The following JAKMIP1 variants were observed in gnomAD, a reference collection of about 807,000 sequenced individuals.
JAKMIP1 encodes the protein janus kinase and microtubule interacting protein 1, also known as janus kinase and microtubule-interacting protein 1.
A neutral mutation model predicts 113.0 loss-of-function variants in JAKMIP1; 33 were observed. The ratio of observed to expected loss-of-function variants is 0.29; its 90% confidence interval spans 0.22 to 0.39. The LOEUF (loss-of-function observed/expected upper bound fraction) is 0.39, where lower values mean the gene tolerates loss of function less well. Among genes scored for constraint, JAKMIP1 ranks in the 10% least tolerant of loss-of-function variants. The pLI is 1.00. For synonymous variants in JAKMIP1, 480 were observed against 459.9 expected (o/e 1.04, Z -0.56); for missense variants, 813 against 1,080.5 (o/e 0.75, Z 3.47).
rs145620883 is a variant in JAKMIP1 at position 6,086,336 on chromosome 4, T to C, written c.625-707A>G. On this transcript the variant is annotated intron_variant, in intron 3 of 20. Transcript: ENST00000409021. The surrounding 1 kb of genome is among the most constrained non-coding windows in gnomAD (Gnocchi z 4.1). ...CCTCCCCGACGGTATCAACCCCACATATGCAGCAGATCTTAAACACATGCC... is the reference window on the plus strand; with the variant it reads ...CCTCCCCGACGGTATCAACCCCACACATGCAGCAGATCTTAAACACATGCC... 1.3e-4 allele frequency among the ~76,000 whole-genome samples: 20 copies of C among 152,010 alleles called. No homozygotes were observed. The East Asian group carries it at 3.7e-3, about 28-fold the overall frequency.
chr4:6,068,097 A>G (rs1718429579), intron 8 of JAKMIP1, among the ~76,000 whole-genome samples: 1 of 152,224 alleles, frequency 6.6e-6, no homozygotes, highest in South Asian at 2.1e-4. Flanking sequence ...AGGACGATCC[A>G]CTGTGAAGGC....
chr4:6,039,208 G>C (rs1018860987), intron 18 of JAKMIP1, among the ~76,000 whole-genome samples: 1 of 152,184 alleles, frequency 6.6e-6, no homozygotes, highest in African/African-American at 2.4e-5. Context: ...AGGCCTTCCT[G>C]AGTTGGTGCT....
rs1720313302 is a variant in JAKMIP1, at chr4:6,080,270, A to T, written c.1144T>A (p.Ser382Thr). The T allele has an allele frequency of 6.2e-7, 1 of 1,614,030 alleles. No homozygotes were observed. The highest frequency in any genetic ancestry group is 1.3e-5 in the African/African-American group (1 of 74,930). Residue 382 changes from serine to threonine, a missense_variant, in exon 7 of 21, where the codon TCC (serine) becomes ACC (threonine). This residue lies in a region of JAKMIP1 where 540 missense variants were observed against 653.9 expected (regional missense o/e 0.83). Transcript: ENST00000409021. The surrounding 1 kb of genome is among the most constrained non-coding windows in gnomAD (Gnocchi z 6.0). ...CTCGTCAGGCTGAGGTCATTCAAGG[A>T]GGTATGCCGCTTCAGAGACGCCTGC... ...SAQASLKRHT[S>T]LNDLSLTRDE...
Position 6,154,953 on chromosome 4 carries a change from G to T in JAKMIP1, c.-147-41956C>A, listed in dbSNP as rs1325549758. Among the ~76,000 whole-genome samples the T allele has an allele frequency of 1.3e-5, 2 of 152,114 alleles. No homozygotes were observed. Among genetic ancestry groups the T allele is most frequent in the Non-Finnish European group, 2.9e-5 (2 of 68,034 alleles). On this transcript the variant is annotated intron_variant, in intron 1 of 20. Transcript: ENST00000409021. The surrounding 1 kb of genome is among the most constrained non-coding windows in gnomAD (Gnocchi z 4.2). Reference sequence around the variant, plus strand: ...CACGCAGGGAAAGGTGCGGGGTAGGGTGGGGGGTCTTAGCTGGGGTGGAGC... The same window carrying T: ...CACGCAGGGAAAGGTGCGGGGTAGGTTGGGGGGTCTTAGCTGGGGTGGAGC...
At position 6,187,509 on chromosome 4, in the gene JAKMIP1, G is replaced by A. The variant is rs535763956; in HGVS notation, c.-148+12744C>T. On this transcript the variant is annotated intron_variant, in intron 1 of 20. Transcript: ENST00000409021. This position sits in a 1 kb window ranked among gnomAD's most constrained non-coding sequence, Gnocchi z 4.2. ...GGCGTTTGGCAAGTGATTAGGTCAC[G>A]AGGGCGAGCCCTCATAAATGAGATT... Among the ~76,000 whole-genome samples the A allele has an allele frequency of 1.2e-3, 178 of 152,338 alleles. No individual in the cohort carries two copies. The highest frequency in any genetic ancestry group is 0.01 in the Middle Eastern group (3 of 294).
intron 1 of JAKMIP1, among the ~76,000 whole-genome samples, chr4:6,120,901 G>A (rs200979333): frequency 0.21 from 215 of 1,040 alleles, no homozygotes; most frequent in Admixed American, 0.32. Flanking sequence ...CACAAAGCAA[G>A]CTCAAAAAAT....
At chr4:6,079,898 C>T (rs1720255665) in intron 7 of JAKMIP1, among the ~76,000 whole-genome samples, 1 of 152,240 alleles carries the variant, frequency 6.6e-6, no homozygotes, top group Admixed American at 6.5e-5. Context: ...TGATGCTTCT[C>T]AATCACAGCA....
At position 6,088,879 on chromosome 4, in the gene JAKMIP1, C is replaced by T. The variant is rs1238839940; in HGVS notation, c.625-3250G>A. The stretch of plus-strand genomic sequence containing the variant: ...ATCCATTTCCCCTTCTCCCATACGC[C>T]CAGTCTCAGCATGTGCAGTAGGAAA... On this transcript the variant is annotated intron_variant, in intron 3 of 20. Transcript: ENST00000409021. This position sits in a 1 kb window ranked among gnomAD's most constrained non-coding sequence, Gnocchi z 5.5. 6.6e-6 allele frequency among the ~76,000 whole-genome samples: 1 copy of T among 152,176 alleles called. No individual in the cohort carries two copies. Among genetic ancestry groups the T allele is most frequent in the Non-Finnish European group, 1.5e-5 (1 of 68,036 alleles).
At chr4:6,189,674 C>T (rs1013444599) in intron 1 of JAKMIP1, among the ~76,000 whole-genome samples, 2 of 152,210 alleles carry the variant, frequency 1.3e-5, no homozygotes, top group Non-Finnish European at 2.9e-5. Flanking sequence ...AAGTCACTGG[C>T]AGCTGCAATA....
rs1242922774 is a variant in JAKMIP1 at position 6,042,269 on chromosome 4, G to C, written c.2029-42C>G. On this transcript the variant is annotated intron_variant, in intron 16 of 20. Coordinates refer to ENST00000409021, the MANE Select transcript of JAKMIP1 (RefSeq NM_001099433.2). The surrounding 1 kb of genome is among the most constrained non-coding windows in gnomAD (Gnocchi z 5.2). ...ACAGGACGGGTGCAGCAAAGTGAGA[G>C]TCAGAACCCAAGGGGCTGTGGAATT... The C allele has an allele frequency of 4.7e-6, 7 of 1,505,232 alleles. No homozygotes were observed. Among genetic ancestry groups the C allele is most frequent in the Non-Finnish European group, 5.5e-6 (6 of 1,081,864 alleles). The allele number at this position is 1,505,232 out of a possible 1,614,324, so 93.2% of individuals were successfully genotyped here. A position where few individuals can be genotyped will look rare whatever the true frequency, so the allele number is the denominator to read the frequency against.
At chr4:6,144,591 T>A (rs954158167) in intron 1 of JAKMIP1, among the ~76,000 whole-genome samples, 2 of 152,202 alleles carry the variant, frequency 1.3e-5, no homozygotes, top group Non-Finnish European at 2.9e-5. Flanking sequence ...AATCAATCCA[T>A]GTATTATACC....
intron 1 of JAKMIP1, among the ~76,000 whole-genome samples, chr4:6,121,199 C>A (rs1178210322): frequency 6.4e-4 from 82 of 128,316 alleles, no homozygotes; most frequent in Admixed American, 1.3e-3. Context: ...GACCTTGTCT[C>A]AAAAAAAAAA....
chr4:6,032,565 C>G (rs1338160418), intron 19 of JAKMIP1, among the ~76,000 whole-genome samples: 1 of 152,200 alleles, frequency 6.6e-6, no homozygotes, highest in African/African-American at 2.4e-5. Flanking sequence ...CCACTGAGCC[C>G]CTTCTGTGGG....
chr4:6,119,283 C>G (rs1716344736), intron 1 of JAKMIP1, among the ~76,000 whole-genome samples: 1 of 151,490 alleles, frequency 6.6e-6, no homozygotes. Context: ...GTGGCTCACG[C>G]CTGTAATCCC....
chr4:6,068,466 C>A (rs1263725376), intron 8 of JAKMIP1, among the ~76,000 whole-genome samples: 1 of 152,104 alleles, frequency 6.6e-6, no homozygotes, highest in South Asian at 2.1e-4. Context: ...CACAGCCAGG[C>A]ACGGCACACA....
intron 1 of JAKMIP1, among the ~76,000 whole-genome samples, chr4:6,122,697 C>G (rs1716880266): frequency 1.3e-5 from 2 of 152,178 alleles, no homozygotes; most frequent in African/African-American, 4.8e-5. Flanking sequence ...GTTGTTTCGT[C>G]AGCTGCAAAG....
In JAKMIP1 at chr4:6,176,854, G is replaced by A. The variant is rs1438425923; in HGVS notation, c.-148+23399C>T. ...TAGAAACCAGCCTGGGCAACATGGC[G>A]AAACCCTGCCTCTACAAAAAATACA... On this transcript the variant is annotated intron_variant, in intron 1 of 20. Coordinates refer to ENST00000409021, the MANE Select transcript of JAKMIP1 (RefSeq NM_001099433.2). The surrounding 1 kb of genome is among the most constrained non-coding windows in gnomAD (Gnocchi z 5.5). Among the ~76,000 whole-genome samples, 2 of 152,104 alleles carry A rather than the reference G, an allele frequency of 1.3e-5. No homozygotes were observed. The highest frequency in any genetic ancestry group is 2.9e-5 in the Non-Finnish European group (2 of 68,030).
intron 11 of JAKMIP1, among the ~76,000 whole-genome samples, chr4:6,060,148 C>T (rs1717057269): frequency 6.6e-6 from 1 of 152,184 alleles, no homozygotes; most frequent in Admixed American, 6.5e-5. Flanking sequence ...CACACCTTTG[C>T]TTTTGGAATT....
chr4:6,139,592 C>T lies in JAKMIP1; in HGVS notation c.-147-26595G>A, dbSNP rs1212021960. ...ACCAACCTGGCCAACATAGTGAAAC[C>T]CCATCTCTACTAAAAATACAAAAAT... On this transcript the variant is annotated intron_variant, in intron 1 of 20. Coordinates refer to ENST00000409021, the MANE Select transcript of JAKMIP1 (RefSeq NM_001099433.2). This position sits in a 1 kb window ranked among gnomAD's most constrained non-coding sequence, Gnocchi z 5.2. Among the ~76,000 whole-genome samples the T allele has an allele frequency of 6.6e-6, 1 of 151,890 alleles. No individual in the cohort carries two copies. The highest frequency in any genetic ancestry group is 2.4e-5 in the African/African-American group (1 of 41,280).
Sources: allele counts gnomAD v4.1 joint callset (sites outside exome capture counted in the v4.1 genomes callset), GRCh38; gene constraint gnomAD v4.1.1; regional missense constraint gnomAD v4.1.1; non-coding constraint Gnocchi (gnomAD v3.1); transcripts MANE v1.5; gene names NCBI Gene and HGNC (gene_info 2026-07-23, HGNC 2026-07-21).